VPS51: variants seen among roughly 807,000 people sequenced by gnomAD.
The protein encoded by VPS51 is VPS51 subunit of GARP complex.
Under a neutral mutation model 65.1 loss-of-function variants are expected in VPS51, and 55 were observed. The ratio of observed to expected loss-of-function variants is 0.84; its 90% CI spans 0.68 to 1.06. VPS51 has a LOEUF of 1.06. VPS51 is among the 50% of genes least tolerant of loss of function. The pLI is 0.00. For missense variants in VPS51, 943 were observed against 1,101.6 expected (o/e 0.86, Z 2.04); for synonymous variants, 473 against 489.5 (o/e 0.97, Z 0.44).
Position 65,109,804 on chromosome 11 carries a change from A to C in VPS51, c.1759A>C (p.Ile587Leu). The change falls in exon 7 of 10, where the codon ATA (isoleucine) becomes CTA (leucine). Residue 587 changes from isoleucine to leucine, a missense_variant. Transcript: ENST00000279281. ...CTACGTGAAGGTGCAGGGCCTGGTC[A>C]TATCACAGATGCTGCGCAAGAGCGT... ...THYVKVQGLV[I>L]SQMLRKSVET... 3.1e-6 allele frequency: 5 copies of C among 1,609,474 alleles called. No homozygotes were observed. Among genetic ancestry groups the C allele is most frequent in the Non-Finnish European group, 4.2e-6 (5 of 1,178,612 alleles).
At chr11:65,110,312 C>T in intron 7 of VPS51, 170 bp from the exon 8 acceptor site, 1 of 1,184,528 alleles carries the variant, frequency 8.4e-7, no homozygotes, top group South Asian at 1.4e-5. Flanking sequence ...TTGCCCCACT[C>T]CACTGGTTCT....
rs755571206 is a variant in VPS51, at chr11:65,108,288, C to G, written c.817C>G (p.Leu273Val). The G allele has an allele frequency of 5.9e-5, 95 of 1,602,338 alleles. No individual in the cohort carries two copies. Among genetic ancestry groups the G allele is most frequent in the Non-Finnish European group, 7.6e-5 (89 of 1,175,466 alleles). Residue 273 changes from leucine (L) to valine (V), a missense_variant, in exon 5 of 10, where the codon CTG becomes GTG. Around this residue, in one of 2 missense-constraint regions of VPS51, gnomAD observed 855 missense variants for 953.7 expected, o/e 0.90. Coordinates refer to ENST00000279281, the MANE Select transcript of VPS51 (RefSeq NM_013265.4). ...EPAEELCEEFLAHARGRLEKE... is the reference protein window; with the variant it reads ...EPAEELCEEFVAHARGRLEKE... ...TGCGGAGGAGCTGTGCGAGGAGTTC[C>G]TGGCGCACGCCCGCGGCCGGCTGGA...
At chr11:65,110,455 C>T in intron 7 of VPS51, 27 bp from the exon 8 acceptor site, 1 of 1,613,088 alleles carries the variant, frequency 6.2e-7, no homozygotes, top group Non-Finnish European at 8.5e-7. Flanking sequence ...ACTCGGGCCT[C>T]CTTGCAGTAC....
intron 1 of VPS51, 34 bp downstream of exon 1, chr11:65,096,512 A>AGGGGGGGGTGGGGGGT: frequency 1.1e-5 from 5 of 440,862 alleles, no homozygotes; most frequent in Admixed American, 4.9e-5. Context: ...GGGTGCGGGG[A>AGGGGGGGGTGGGGGGT]GGGGGGAAGG....
intron 2 of VPS51, 117 bp downstream of exon 2, chr11:65,097,244 C>T (rs1947777463): frequency 7.0e-7 from 1 of 1,432,064 alleles, no homozygotes; most frequent in African/African-American, 1.4e-5. Flanking sequence ...CTTGTCCTGA[C>T]ATTATTCCAT....
At chr11:65,109,049 T>TG (rs1947868045) in intron 5 of VPS51, 135 bp downstream of exon 5, 3 of 1,186,936 alleles carry the variant, frequency 2.5e-6, no homozygotes, top group South Asian at 1.3e-5. Flanking sequence ...GTCTGGGGGG[T>TG]GGGGAAGGCT....
At chr11:65,098,180 G>GA (rs1386765911) in intron 2 of VPS51, among the ~76,000 whole-genome samples, 14 of 148,596 alleles carry the variant, frequency 9.4e-5, no homozygotes, top group East Asian at 3.9e-4. Flanking sequence ...GACTCTGTCT[G>GA]AAAAAAAAAA....
intron 7 of VPS51, 133 bp from the exon 8 acceptor site, chr11:65,110,349 A>G: frequency 6.7e-7 from 1 of 1,483,138 alleles, no homozygotes; most frequent in South Asian, 1.2e-5. Flanking sequence ...TACCTACTAA[A>G]TAGCGGGCCC....
chr11:65,105,615 CTA>C (rs1483457064), intron 2 of VPS51, among the ~76,000 whole-genome samples: 1 of 152,144 alleles, frequency 6.6e-6, no homozygotes, highest in East Asian at 1.9e-4. Context: ...AATTCCAACA[CTA>C]TTTACCCAGA....
chr11:65,096,361 G>A lies in VPS51; in HGVS notation c.111G>A (p.Leu37=). ...GTCGGCGGAAGGCGCACGGGATGCT[G>A]AAGCTTTACTACGGCCTCTCGGAAG... is the stretch of plus-strand genomic sequence containing the variant. The part of the protein sequence containing the change: ...PERRRKAHGM[L]KLYYGLSEGE... The change falls in exon 1 of 10, where the codon CTG becomes CTA. Residue 37 remains leucine (L), a synonymous_variant. Coordinates refer to ENST00000279281, the MANE Select transcript of VPS51 (RefSeq NM_013265.4). 6.5e-7 allele frequency: 1 copy of A among 1,534,286 alleles called. No individual in the cohort carries two copies. The highest frequency in any genetic ancestry group is 8.7e-7 in the Non-Finnish European group (1 of 1,148,058).
chr11:65,111,595 C>T lies in VPS51; in HGVS notation c.*8C>T. ...ATCTGCGAGCGCGGCTAGGCGCAGC[C>T]GCTGCCATGCACCGGTCTGTCCCTG... is the stretch of plus-strand genomic sequence containing the variant. On this transcript the variant is annotated 3_prime_UTR_variant, in exon 10 of 10. Coordinates refer to ENST00000279281, the MANE Select transcript of VPS51 (RefSeq NM_013265.4). 2 of 1,598,538 alleles carry T rather than the reference C, an allele frequency of 1.3e-6. No homozygotes were observed. The highest frequency in any genetic ancestry group is 2.2e-5 in the South Asian group (2 of 90,518).
At chr11:65,102,087 G>T (rs561425320) in intron 2 of VPS51, among the ~76,000 whole-genome samples, 8 of 145,202 alleles carry the variant, frequency 5.5e-5, no homozygotes, top group Non-Finnish European at 1.2e-4. Flanking sequence ...TGGCCCAATC[G>T]GCTCACTGCA....
At chr11:65,096,941 A>G (rs573097377) in intron 1 of VPS51, 57 bp from the exon 2 acceptor site, 1 of 1,603,472 alleles carries the variant, frequency 6.2e-7, no homozygotes, top group Admixed American at 1.7e-5. Flanking sequence ...AGCTGCAGGC[A>G]AGGCTGGGGG....
chr11:65,096,579 T>C, intron 1 of VPS51, 101 bp downstream of exon 1: 1 of 1,087,628 alleles, frequency 9.2e-7, no homozygotes, highest in South Asian at 1.7e-5. Context: ...TTTTGTGAGG[T>C]TCAGGAGAGC....
At chr11:65,106,997 G>T (rs1171431556) in intron 2 of VPS51, among the ~76,000 whole-genome samples, 1 of 152,108 alleles carries the variant, frequency 6.6e-6, no homozygotes, top group Non-Finnish European at 1.5e-5. Flanking sequence ...TGATTTAGAA[G>T]CATGAAGGGA....
chr11:65,108,129 G>A, intron 4 of VPS51, 68 bp from the exon 5 acceptor site: 11 of 1,557,866 alleles, frequency 7.1e-6, no homozygotes, highest in Non-Finnish European at 9.5e-6. Flanking sequence ...TGTGTGCTTT[G>A]CTTTCCTGCT....
chr11:65,109,047 G>A, intron 5 of VPS51, 133 bp downstream of exon 5: 1 of 1,202,940 alleles, frequency 8.3e-7, no homozygotes, highest in Non-Finnish European at 1.2e-6. Context: ...CGGTCTGGGG[G>A]GTGGGGAAGG....
chr11:65,107,134 T>C lies in VPS51; in HGVS notation c.359-447T>C. 4.4e-6 allele frequency: 2 copies of C among 458,878 alleles called. No individual in the cohort carries two copies. 28.4% of individuals were successfully genotyped at this position (458,878 alleles called of 1,614,324 possible). A position where few individuals can be genotyped will look rare whatever the true frequency, so the allele number is the denominator to read the frequency against. On this transcript the variant is annotated intron_variant, in intron 2 of 9. Transcript: ENST00000279281. This position sits in a 1 kb window ranked among gnomAD's most constrained non-coding sequence, Gnocchi z 4.0. ...GTTCCGGAAAGCATGTGAAAGGCTT[T>C]GGGAGGTCTGGAAAGGAGATGAGGG...
rs540082749 is a variant in VPS51, at chr11:65,096,845, A to G, written c.229-153A>G. ...TAGTAACCCCTGAGCTAGGCCACTTAGGGCCCCCTGCCTGGGATTCCTGAC... is the reference window on the plus strand; with the variant it reads ...TAGTAACCCCTGAGCTAGGCCACTTGGGGCCCCCTGCCTGGGATTCCTGAC... On this transcript the variant is annotated intron_variant, in intron 1 of 9. Transcript: ENST00000279281. 3 of 1,185,984 alleles carry G rather than the reference A, an allele frequency of 2.5e-6. No homozygotes were observed. In the East Asian group the frequency reaches 7.9e-5, roughly 31 times the overall value. 73.5% of individuals were successfully genotyped at this position (1,185,984 alleles called of 1,614,324 possible). A position where few individuals can be genotyped will look rare whatever the true frequency, so the allele number is the denominator to read the frequency against.
Sources: allele counts gnomAD v4.1 joint callset (sites outside exome capture counted in the v4.1 genomes callset), GRCh38; gene constraint gnomAD v4.1.1; regional missense constraint gnomAD v4.1.1; non-coding constraint Gnocchi (gnomAD v3.1); transcripts MANE v1.5; gene names NCBI Gene and HGNC (gene_info 2026-07-23, HGNC 2026-07-21).